The following PARP14 variants were observed in gnomAD, a reference collection of about 807,000 sequenced individuals.
The protein encoded by PARP14 is protein mono-ADP-ribosyltransferase PARP14.
A neutral mutation model predicts 154.2 loss-of-function variants in PARP14; 59 were observed. The observed-to-expected ratio is 0.38, with a 90% CI of 0.31 to 0.48. The LOEUF (loss-of-function observed/expected upper bound fraction) is 0.48, where lower values mean the gene tolerates loss of function less well. PARP14 is among the 20% of genes least tolerant of loss of function. The pLI is 0.98. For synonymous variants in PARP14, 720 were observed against 780.5 expected (o/e 0.92, Z 1.29); for missense variants, 1,734 against 2,131.6 (o/e 0.81, Z 3.67).
Position 122,713,555 on chromosome 3 carries a change from T to G in PARP14, c.3751T>G (p.Ser1251Ala). 2 of 1,613,572 alleles carry G rather than the reference T, an allele frequency of 1.2e-6. No individual in the cohort carries two copies. Among genetic ancestry groups the G allele is most frequent in the Non-Finnish European group, 1.7e-6 (2 of 1,179,544 alleles). ...ADVIVNSTSNSFNLKAGVSKA... is the reference protein window; with the variant it reads ...ADVIVNSTSNAFNLKAGVSKA... ...TGTGATTGTAAATTCAACATCAAAC[T>G]CATTCAATCTCAAAGCAGGTACTTG... Residue 1251 changes from serine (S) to alanine (A), a missense_variant, in exon 10 of 17, where the codon TCA (serine) becomes GCA (alanine). Transcript: ENST00000474629.
chr3:122,718,231 A>G lies in PARP14; in HGVS notation c.4161A>G (p.Glu1387=), dbSNP rs772505749. The G allele has an allele frequency of 1.2e-6, 2 of 1,613,642 alleles. No individual in the cohort carries two copies. The highest frequency in any genetic ancestry group is 1.7e-6 in the Non-Finnish European group (2 of 1,179,722). The change falls in exon 13 of 17, where the codon GAA becomes GAG. Residue 1387 remains glutamate (E), a synonymous_variant. Transcript: ENST00000474629. The part of the protein sequence containing the change: ...DVFYANMKKR[E]GTQLSSQQSV... ...TTTATGCCAACATGAAGAAAAGAGA[A>G]GGGACTCAGCTTTCTTCCCAACAGT... is the stretch of plus-strand genomic sequence containing the variant.
chr3:122,728,013 T>A, intron 16 of PARP14, 27 bp downstream of exon 16: 1 of 1,592,538 alleles, frequency 6.3e-7, no homozygotes, highest in Non-Finnish European at 8.6e-7. Context: ...TCTGGCTGCT[T>A]GGAATGAGGC....
At chr3:122,698,242 T>C (rs1346261773) in intron 5 of PARP14, among the ~76,000 whole-genome samples, 1 of 152,220 alleles carries the variant, frequency 6.6e-6, no homozygotes, top group Non-Finnish European at 1.5e-5. Flanking sequence ...TAGGACCCAA[T>C]CATACACAAG....
intron 5 of PARP14, among the ~76,000 whole-genome samples, chr3:122,696,051 A>T (rs1047965462): frequency 6.6e-6 from 1 of 152,232 alleles, no homozygotes; most frequent in Non-Finnish European, 1.5e-5. Flanking sequence ...TAGAGTTCCT[A>T]TAAAGTACCA....
intron 3 of PARP14, among the ~76,000 whole-genome samples, chr3:122,687,624 G>C (rs1175840756): frequency 1.3e-5 from 2 of 152,192 alleles, no homozygotes; most frequent in African/African-American, 4.8e-5. Context: ...AAAGACAGCA[G>C]CTCTTCTGAT....
chr3:122,718,315 G>A lies in PARP14; in HGVS notation c.4207+38G>A, dbSNP rs753462710. 2.8e-5 allele frequency: 45 copies of A among 1,611,806 alleles called. 1 individual carries two copies. The highest frequency in any genetic ancestry group is 2.1e-4 in the South Asian group (19 of 90,910). ...TTTTTATGAAATGCATGTTCATAAC[G>A]TTGATGTCACATGTGAAATACCTAA... is the stretch of plus-strand genomic sequence containing the variant. On this transcript the variant is annotated intron_variant, in intron 13 of 16. Coordinates refer to ENST00000474629, the MANE Select transcript of PARP14 (RefSeq NM_017554.3).
At chr3:122,714,790 A>G (rs1018781435) in intron 12 of PARP14, among the ~76,000 whole-genome samples, 1 of 152,174 alleles carries the variant, frequency 6.6e-6, no homozygotes, top group Non-Finnish European at 1.5e-5. Flanking sequence ...TCCATTATGC[A>G]GTCCTTAGCT....
intron 12 of PARP14, among the ~76,000 whole-genome samples, chr3:122,714,972 A>G (rs1477003031): frequency 6.6e-6 from 1 of 152,166 alleles, no homozygotes; most frequent in African/African-American, 2.4e-5. Flanking sequence ...GTGGGTCAGA[A>G]ACTCAACTCT....
chr3:122,713,449 T>C lies in PARP14; in HGVS notation c.3645T>C (p.Pro1215=). ...TQGFYGTVSS[P]DSGVYEMKIG... The stretch of plus-strand genomic sequence containing the variant: ...GTTTTTATGGGACTGTTTCTAGCCC[T>C]GATTCAGGTGTGTATGAAATGAAGA... Residue 1215 remains proline (P), a synonymous_variant, in exon 10 of 17, where the codon CCT becomes CCC. Transcript: ENST00000474629. The C allele has an allele frequency of 6.2e-7, 1 of 1,612,952 alleles. No individual in the cohort carries two copies. Among genetic ancestry groups the C allele is most frequent in the Non-Finnish European group, 8.5e-7 (1 of 1,179,260 alleles).
intron 15 of PARP14, among the ~76,000 whole-genome samples, chr3:122,723,301 A>G (rs181406742): frequency 6.6e-6 from 1 of 151,636 alleles, no homozygotes; most frequent in Non-Finnish European, 1.5e-5. Flanking sequence ...CCCCTCCCCA[A>G]CCCCAGTCTG....
At chr3:122,710,992 A>G (rs150485170) in intron 9 of PARP14, among the ~76,000 whole-genome samples, 23 of 152,136 alleles carry the variant, frequency 1.5e-4, no homozygotes, top group Admixed American at 7.2e-4. Context: ...TTTTTGGATG[A>G]GTCGTTAGGA....
At chr3:122,706,926 G>A (rs1486137922) in intron 8 of PARP14, among the ~76,000 whole-genome samples, 2 of 152,170 alleles carry the variant, frequency 1.3e-5, no homozygotes, top group East Asian at 3.9e-4. Flanking sequence ...GGTACAAATA[G>A]GAAATTAAAA....
intron 5 of PARP14, among the ~76,000 whole-genome samples, chr3:122,697,212 C>G (rs2107641928): frequency 6.6e-6 from 1 of 152,328 alleles, no homozygotes; most frequent in South Asian, 2.1e-4. Context: ...CCTTTGCCTC[C>G]TAAAGTGCTG....
Position 122,703,770 on chromosome 3 carries a change from T to G in PARP14, c.3110T>G (p.Leu1037Trp), listed in dbSNP as rs563409745. Reference protein sequence around the residue: ...KTDVVVNSVPLDLVLSRGPLS... With the variant: ...KTDVVVNSVPWDLVLSRGPLS... ...GATGTTGTTGTCAACTCCGTTCCCT[T>G]GGATCTCGTGCTTAGTAGAGGGCCT... Residue 1037 changes from leucine to tryptophan, a missense_variant, in exon 7 of 17, where the codon TTG (leucine) becomes TGG (tryptophan). By Grantham distance (61) the Leu-to-Trp change is moderately conservative. Around this residue, in one of 2 missense-constraint regions of PARP14, gnomAD observed 1,646 missense variants for 1,976.0 expected, o/e 0.83. Coordinates refer to ENST00000474629, the MANE Select transcript of PARP14 (RefSeq NM_017554.3). The G allele has an allele frequency of 3.6e-5, 58 of 1,610,490 alleles. No individual in the cohort carries two copies. The East Asian group carries it at 1.2e-3, about 32-fold the overall frequency.
Position 122,715,620 on chromosome 3 carries a change from A to G in PARP14, c.4000+1191A>G, listed in dbSNP as rs1388613122. On this transcript the variant is annotated intron_variant, in intron 12 of 16. Coordinates refer to ENST00000474629, the MANE Select transcript of PARP14 (RefSeq NM_017554.3). Reference sequence around the variant, plus strand: ...CATCTATCTATCTATCTATCTATCTATCTATCTATCTATCTATCTATCTAT... The same window carrying G: ...CATCTATCTATCTATCTATCTATCTGTCTATCTATCTATCTATCTATCTAT... Among the ~76,000 whole-genome samples, 9 of 130,264 alleles carry G rather than the reference A, an allele frequency of 6.9e-5. No individual in the cohort carries two copies. The East Asian group carries it at 1.8e-3, about 26-fold the overall frequency. 85.5% of individuals were successfully genotyped at this position (130,264 alleles called of 152,430 possible).
intron 4 of PARP14, among the ~76,000 whole-genome samples, chr3:122,694,975 G>A (rs574239076): frequency 1.3e-5 from 2 of 152,280 alleles, no homozygotes; most frequent in Admixed American, 1.3e-4. Flanking sequence ...TAGTTTTTGT[G>A]GCAACACGGA....
chr3:122,708,209 C>G lies in PARP14; in HGVS notation c.3560C>G (p.Ala1187Gly). 6.4e-7 allele frequency: 1 copy of G among 1,565,258 alleles called. No homozygotes were observed. The highest frequency in any genetic ancestry group is 2.3e-5 in the East Asian group (1 of 43,496). Residue 1187 changes from alanine to glycine, a missense_variant, in exon 9 of 17, where the codon GCC (alanine) becomes GGC (glycine). Coordinates refer to ENST00000474629, the MANE Select transcript of PARP14 (RefSeq NM_017554.3). ...TTTCAGGCATTTTCAGATGAATTTGCCAGAAGGGCTAATGGAAATCTCGTC... is the reference window on the plus strand; with the variant it reads ...TTTCAGGCATTTTCAGATGAATTTGGCAGAAGGGCTAATGGAAATCTCGTC... ...ENIQAFSDEF[A>G]RRANGNLVSD...
At chr3:122,714,182 C>A in intron 11 of PARP14, 80 bp from the exon 12 acceptor site, 1 of 1,183,546 alleles carries the variant, frequency 8.4e-7, no homozygotes, top group Non-Finnish European at 1.2e-6. Flanking sequence ...GCTTACTTGC[C>A]AAGTTATACA....
chr3:122,713,727 A>T (rs1383602601), intron 10 of PARP14, 145 bp from the exon 11 acceptor site: 1 of 879,430 alleles, frequency 1.1e-6, no homozygotes, highest in African/African-American at 1.7e-5. Flanking sequence ...TGTTTATTTT[A>T]TGAAGTTTTC....
Sources: gnomAD v4.1 joint callset for allele counts (sites outside exome capture counted in the v4.1 genomes callset) on GRCh38, gnomAD v4.1.1 for gene constraint, gnomAD v4.1.1 regional missense constraint, MANE v1.5 for transcripts, NCBI Gene and HGNC (gene_info 2026-07-23, HGNC 2026-07-21) for gene names.